The following SBF2 variants were observed in gnomAD, a reference collection of about 807,000 sequenced individuals.
SBF2 encodes myotubularin-related protein 13.
In SBF2, 112 loss-of-function variants were observed where a neutral mutation model predicts 225.2. The observed-to-expected ratio is 0.50, with a 90% CI of 0.43 to 0.58. The LOEUF is 0.58. Among genes scored for constraint, SBF2 ranks in the 20% least tolerant of loss-of-function variants. The probability of loss-of-function intolerance (pLI) is 0.00; values close to 1 mark genes in which losing one functional copy is unlikely to be tolerated. For missense variants in SBF2, 1,996 were observed against 2,206.2 expected (o/e 0.90, Z 1.91); for synonymous variants, 763 against 773.3 (o/e 0.99, Z 0.22).
In SBF2 at chr11:10,025,583, A is replaced by C. The variant is rs532788721; in HGVS notation, c.619+2869T>G. Among the ~76,000 whole-genome samples the C allele has an allele frequency of 4.9e-4, 75 of 152,118 alleles. No homozygotes were observed. In the Middle Eastern group the frequency reaches 0.01, roughly 21 times the overall value. ...ATTATTTACTGGCTCTGATGCCTTCAAGCAGATGTTATTTTTATTTTATTT... is the reference window on the plus strand; with the variant it reads ...ATTATTTACTGGCTCTGATGCCTTCCAGCAGATGTTATTTTTATTTTATTT... On this transcript the variant is annotated intron_variant, in intron 6 of 39. Transcript: ENST00000256190.
intron 16 of SBF2, among the ~76,000 whole-genome samples, chr11:9,940,693 G>C (rs796129061): frequency 5.3e-5 from 8 of 152,202 alleles, no homozygotes; most frequent in African/African-American, 1.9e-4. Context: ...TTTGGCCCAG[G>C]GGGCACCAAG....
chr11:9,844,779 T>C (rs537212893), intron 24 of SBF2, among the ~76,000 whole-genome samples: 2 of 152,224 alleles, frequency 1.3e-5, no homozygotes, highest in South Asian at 2.1e-4. Context: ...TTAGGACAAA[T>C]ACCTAATGCA....
At chr11:9,978,781 A>C (rs1170998669) in intron 13 of SBF2, among the ~76,000 whole-genome samples, 1 of 152,102 alleles carries the variant, frequency 6.6e-6, no homozygotes, top group Non-Finnish European at 1.5e-5. Flanking sequence ...GGATCCCTTG[A>C]GCCCAGGAGT....
At position 9,780,530 on chromosome 11, in the gene SBF2, T is replaced by C. The variant is rs745519807; in HGVS notation, c.5452-14A>G. 8.7e-6 allele frequency: 14 copies of C among 1,611,700 alleles called. No homozygotes were observed. The highest frequency in any genetic ancestry group is 1.2e-5 in the Non-Finnish European group (14 of 1,177,822). ...GCTGGTCTTGAGCTACAAAACCAAATGACAGTGAACCAGAGATGAAGGGCA... is the reference window on the plus strand; with the variant it reads ...GCTGGTCTTGAGCTACAAAACCAAACGACAGTGAACCAGAGATGAAGGGCA... On this transcript the variant is annotated splice_polypyrimidine_tract_variant and intron_variant, in intron 39 of 39. Coordinates refer to ENST00000256190, the MANE Select transcript of SBF2 (RefSeq NM_030962.4).
chr11:9,855,442 G>A (rs890204403), intron 19 of SBF2, among the ~76,000 whole-genome samples: 6 of 152,174 alleles, frequency 3.9e-5, no homozygotes, highest in Non-Finnish European at 5.9e-5. Context: ...GAGAAGAGGA[G>A]CTGCCTGAAG....
At chr11:9,924,027 T>C (rs1164448693) in intron 16 of SBF2, among the ~76,000 whole-genome samples, 1 of 152,166 alleles carries the variant, frequency 6.6e-6, no homozygotes, top group East Asian at 1.9e-4. Flanking sequence ...GCTTCTATCA[T>C]CAGGATCAAA....
chr11:10,143,885 T>C (rs1186184218), intron 2 of SBF2, among the ~76,000 whole-genome samples: 2 of 151,030 alleles, frequency 1.3e-5, no homozygotes, highest in African/African-American at 4.8e-5. Context: ...GCCCGGCTAA[T>C]TTTTTTTGTA....
intron 25 of SBF2, among the ~76,000 whole-genome samples, chr11:9,842,242 A>G (rs772956059): frequency 5.9e-5 from 9 of 152,202 alleles, no homozygotes; most frequent in Non-Finnish European, 1.3e-4. Context: ...TGTTCTTACC[A>G]AAAACTGAAA....
chr11:10,018,176 C>G (rs1948719580), intron 6 of SBF2, among the ~76,000 whole-genome samples: 1 of 152,126 alleles, frequency 6.6e-6, no homozygotes. Context: ...TTCTTTTCCC[C>G]TTTCTTCCCT....
intron 2 of SBF2, among the ~76,000 whole-genome samples, chr11:10,161,293 C>T (rs1955725885): frequency 6.6e-6 from 1 of 151,290 alleles, no homozygotes; most frequent in Non-Finnish European, 1.5e-5. Context: ...ATTCTTCCCA[C>T]AACAAGCTAA....
chr11:9,825,068 G>T (rs192009126), intron 28 of SBF2, among the ~76,000 whole-genome samples: 141 of 152,252 alleles, frequency 9.3e-4, no homozygotes, highest in Admixed American at 2.8e-3. Context: ...GTAATGGGTT[G>T]AAATGTGTCC....
intron 1 of SBF2, among the ~76,000 whole-genome samples, chr11:10,227,245 C>A (rs931231780): frequency 6.6e-6 from 1 of 152,110 alleles, no homozygotes; most frequent in Non-Finnish European, 1.5e-5. Flanking sequence ...GAGTAGGTTG[C>A]AAAAATTTTC....
At chr11:10,046,510 A>C (rs1201895358) in intron 2 of SBF2, among the ~76,000 whole-genome samples, 3 of 152,130 alleles carry the variant, frequency 2.0e-5, no homozygotes, top group African/African-American at 7.2e-5. Context: ...AAAGAATAAT[A>C]ATCATGTGAT....
chr11:10,059,161 A>G (rs1950348716), intron 2 of SBF2, among the ~76,000 whole-genome samples: 1 of 152,212 alleles, frequency 6.6e-6, no homozygotes, highest in South Asian at 2.1e-4. Flanking sequence ...ACATAACAAT[A>G]TTAACCTCAA....
intron 16 of SBF2, among the ~76,000 whole-genome samples, chr11:9,914,612 G>A (rs1237416139): frequency 2.6e-5 from 4 of 152,064 alleles, no homozygotes; most frequent in East Asian, 1.9e-4. Flanking sequence ...GGAAAATACA[G>A]ACAACCTTGG....
chr11:10,160,832 C>T (rs1955696294), intron 2 of SBF2, among the ~76,000 whole-genome samples: 1 of 152,094 alleles, frequency 6.6e-6, no homozygotes, highest in African/African-American at 2.4e-5. Flanking sequence ...CATTTACCTG[C>T]ACCTGGCTAA....
At chr11:10,185,217 C>G (rs774890006) in intron 2 of SBF2, among the ~76,000 whole-genome samples, 2 of 152,082 alleles carry the variant, frequency 1.3e-5, no homozygotes, top group Admixed American at 1.3e-4. Context: ...GTGAACAATG[C>G]TACTATAAAC....
chr11:10,274,491 C>G (rs1437706804), intron 1 of SBF2, among the ~76,000 whole-genome samples: 1 of 152,062 alleles, frequency 6.6e-6, no homozygotes, highest in Admixed American at 6.6e-5. Context: ...TCGCTCACGC[C>G]TATAATCCCA....
intron 1 of SBF2, among the ~76,000 whole-genome samples, chr11:10,275,574 G>A (rs1234860355): frequency 6.7e-6 from 1 of 149,896 alleles, no homozygotes; most frequent in Admixed American, 6.6e-5. Context: ...TTACTTACAT[G>A]ACTTTTCATT....
Sources: allele counts gnomAD v4.1 joint callset (sites outside exome capture counted in the v4.1 genomes callset), GRCh38; gene constraint gnomAD v4.1.1; transcripts MANE v1.5; gene names NCBI Gene and HGNC (gene_info 2026-07-23, HGNC 2026-07-21).